RO60: variants seen among roughly 807,000 people sequenced by gnomAD.
The protein encoded by RO60 is Ro60, Y RNA binding protein.
In RO60, 20 loss-of-function variants were observed where a neutral mutation model predicts 55.3. The observed-to-expected ratio is 0.36, with a 90% CI of 0.25 to 0.53. The LOEUF (loss-of-function observed/expected upper bound fraction) is 0.53, where lower values mean the gene tolerates loss of function less well. RO60 is among the 20% of genes least tolerant of loss of function. RO60 has a pLI of 0.92. For synonymous variants in RO60, 213 were observed against 213.6 expected, an observed-to-expected ratio of 1.00 and a Z score of 0.02; for missense variants, 558 against 646.6, an observed-to-expected ratio of 0.86 and a Z score of 1.49.
intron 1 of RO60, among the ~76,000 whole-genome samples, chr1:193,066,715 A>C (rs1428067850): frequency 2.0e-5 from 3 of 152,212 alleles, no homozygotes; most frequent in Non-Finnish European, 4.4e-5. Context: ...ATATATAAAC[A>C]TGTTCAAGTA....
In RO60 at chr1:193,086,483, T is replaced by C. The variant is rs1031591970; in HGVS notation, c.*1752T>C. ...CTGTCAAGCATTGAACTGAATATAT[T>C]AGCTACTTTTGACACATTAAAATAT... On this transcript the variant is annotated 3_prime_UTR_variant, in exon 9 of 9. Transcript: ENST00000400968. 4 of 152,148 alleles carry C rather than the reference T, an allele frequency of 2.6e-5. No individual in the cohort carries two copies. Among genetic ancestry groups the C allele is most frequent in the African/African-American group, 9.7e-5 (4 of 41,442 alleles). 9.4% of individuals were successfully genotyped at this position (152,148 alleles called of 1,614,324 possible).
chr1:193,076,443 G>C, intron 3 of RO60, 58 bp from the exon 4 acceptor site: 1 of 1,563,696 alleles, frequency 6.4e-7, no homozygotes, highest in Non-Finnish European at 8.7e-7. Context: ...ATATAGGTAT[G>C]TTATACTGAT....
At chr1:193,077,197 T>G in intron 5 of RO60, 147 bp downstream of exon 5, 1 of 772,950 alleles carries the variant, frequency 1.3e-6, no homozygotes, top group Non-Finnish European at 2.0e-6. Context: ...GGTGAGTATA[T>G]AATTAATATC....
chr1:193,069,515 A>G lies in RO60; in HGVS notation c.461A>G (p.Asp154Gly). 6.2e-7 allele frequency: 1 copy of G among 1,614,218 alleles called. No homozygotes were observed. Among genetic ancestry groups the G allele is most frequent in the Non-Finnish European group, 8.5e-7 (1 of 1,180,032 alleles). The part of the protein sequence containing the change: ...WGRALRKAIA[D>G]WYNEKGGMAL... ...CGTGCCCTCCGGAAGGCTATAGCGG[A>G]CTGGTACAATGAGAAAGGTGGCATG... The change falls in exon 2 of 9, where the codon GAC (aspartate) becomes GGC (glycine). Residue 154 changes from aspartate (D) to glycine (G), a missense_variant. Transcript: ENST00000400968.
At chr1:193,064,650 G>A (rs1014649653) in intron 1 of RO60, among the ~76,000 whole-genome samples, 1 of 152,174 alleles carries the variant, frequency 6.6e-6, no homozygotes, top group Non-Finnish European at 1.5e-5. Flanking sequence ...CTGTTCCACT[G>A]TTTTATGTTG....
chr1:193,088,841 T>G lies in RO60; in HGVS notation c.*4110T>G, dbSNP rs10737620. On this transcript the variant is annotated 3_prime_UTR_variant, in exon 9 of 9. Coordinates refer to ENST00000400968, the MANE Select transcript of RO60 (RefSeq NM_001173524.2). ...TCCTTGATGTCTGTTTCCTCATCTC[T>G]TATTTGTTGGAAGATTACTTTTCTA... 2 of 151,924 alleles carry G rather than the reference T, an allele frequency of 1.3e-5. No individual in the cohort carries two copies. Among genetic ancestry groups the G allele is most frequent in the African/African-American group, 2.4e-5 (1 of 41,344 alleles). The allele number at this position is 151,924 out of a possible 1,614,324, so 9.4% of individuals were successfully genotyped here. A position where few individuals can be genotyped will look rare whatever the true frequency, so the allele number is the denominator to read the frequency against.
chr1:193,067,444 C>A (rs911241505), intron 1 of RO60, among the ~76,000 whole-genome samples: 6 of 152,040 alleles, frequency 3.9e-5, no homozygotes, highest in African/African-American at 1.2e-4. Context: ...CTCGGCCTCC[C>A]AAAGTGCTGG....
At chr1:193,091,640 CTCCTT>C, downstream of RO60, 1 of 1,608,198 alleles carries the variant, frequency 6.2e-7, no homozygotes, top group Non-Finnish European at 8.5e-7. Context: ...AATCCTTTCT[CTCCTT>C]TCTAGCCTTG....
At chr1:193,064,506 G>A (rs1347822052) in intron 1 of RO60, among the ~76,000 whole-genome samples, 1 of 152,152 alleles carries the variant, frequency 6.6e-6, no homozygotes, top group African/African-American at 2.4e-5. Flanking sequence ...GTTTATGTGT[G>A]TATCACACTC....
chr1:193,084,389 T>G (rs1674520839), intron 8 of RO60, among the ~76,000 whole-genome samples, 190 bp from the exon 9 acceptor site: 1 of 152,214 alleles, frequency 6.6e-6, no homozygotes, highest in Admixed American at 6.5e-5. Context: ...TCAGGCAGAT[T>G]CTTATACAAT....
chr1:193,074,355 A>G (rs1010286621), intron 2 of RO60, among the ~76,000 whole-genome samples: 8 of 152,210 alleles, frequency 5.3e-5, no homozygotes, highest in Admixed American at 1.3e-4. Context: ...TCCCACCAAC[A>G]GTGTAAAAGT....
intron 1 of RO60, among the ~76,000 whole-genome samples, chr1:193,067,436 C>T (rs950792472): frequency 1.3e-5 from 2 of 151,996 alleles, no homozygotes; most frequent in African/African-American, 2.4e-5. Context: ...CCGCCCGTCT[C>T]GGCCTCCCAA....
chr1:193,064,435 A>G (rs747260369), intron 1 of RO60, among the ~76,000 whole-genome samples: 1 of 152,224 alleles, frequency 6.6e-6, no homozygotes, highest in Non-Finnish European at 1.5e-5. Flanking sequence ...TATTATGTCC[A>G]AAGACCAGGT....
In RO60 at chr1:193,059,657, C is replaced by T. The variant is rs770350655; in HGVS notation, c.-141C>T. The T allele has an allele frequency of 7.3e-7, 1 of 1,378,244 alleles. No individual in the cohort carries two copies. The highest frequency in any genetic ancestry group is 4.3e-5 in the East Asian group (1 of 23,062). The allele number at this position is 1,378,244 out of a possible 1,614,324, so 85.4% of individuals were successfully genotyped here. On this transcript the variant is annotated 5_prime_UTR_variant, in exon 1 of 9. Transcript: ENST00000400968. This position sits in a 1 kb window ranked among gnomAD's most constrained non-coding sequence, Gnocchi z 4.9. Reference sequence around the variant, plus strand: ...CCTGGAATCCCCGGCGGCAGTGGGGCTGTTGCTGTTGCTGTGGCTGTCGCT... The same window carrying T: ...CCTGGAATCCCCGGCGGCAGTGGGGTTGTTGCTGTTGCTGTGGCTGTCGCT...
chr1:193,086,938 A>G lies in RO60; in HGVS notation c.*2207A>G, dbSNP rs1006017468. ...AATTTTTGTTAGAGAGCTGAGGTCCAAGACAGAGTGTGATTTTGAAGTACT... is the reference window on the plus strand; with the variant it reads ...AATTTTTGTTAGAGAGCTGAGGTCCGAGACAGAGTGTGATTTTGAAGTACT... On this transcript the variant is annotated 3_prime_UTR_variant, in exon 9 of 9. Coordinates refer to ENST00000400968, the MANE Select transcript of RO60 (RefSeq NM_001173524.2). The G allele has an allele frequency of 8.5e-5, 13 of 152,114 alleles. No homozygotes were observed. The highest frequency in any genetic ancestry group is 1.4e-4 in the African/African-American group (6 of 41,438). 9.4% of individuals were successfully genotyped at this position (152,114 alleles called of 1,614,324 possible). A position where few individuals can be genotyped will look rare whatever the true frequency, so the allele number is the denominator to read the frequency against.
At chr1:193,068,232 G>A (rs1391158123) in intron 1 of RO60, among the ~76,000 whole-genome samples, 1 of 152,218 alleles carries the variant, frequency 6.6e-6, no homozygotes, top group Non-Finnish European at 1.5e-5. Flanking sequence ...AGCAGCAGCA[G>A]CTGGGAACTT....
chr1:193,071,766 TATATATA>T (rs1484139440), intron 2 of RO60, among the ~76,000 whole-genome samples: 2 of 148,376 alleles, frequency 1.3e-5, no homozygotes, highest in African/African-American at 4.9e-5. Flanking sequence ...TATAATATAG[TATATATA>T]ATATATAATG....
At chr1:193,070,569 C>T (rs1048968217) in intron 2 of RO60, 1 of 435,712 alleles carries the variant, frequency 2.3e-6, no homozygotes, top group South Asian at 1.6e-5. Context: ...CTTGAAAAGA[C>T]AGCCACTCAG....
chr1:193,066,539 A>G (rs1050483956), intron 1 of RO60, among the ~76,000 whole-genome samples: 12 of 152,180 alleles, frequency 7.9e-5, no homozygotes, highest in Non-Finnish European at 1.6e-4. Context: ...GAAATTACCA[A>G]CCATTCACTC....
Sources: allele counts gnomAD v4.1 joint callset (sites outside exome capture counted in the v4.1 genomes callset), GRCh38; gene constraint gnomAD v4.1.1; non-coding constraint Gnocchi (gnomAD v3.1); transcripts MANE v1.5; gene names NCBI Gene and HGNC (gene_info 2026-07-23, HGNC 2026-07-21).